Variants in RANBP2 observed in about 807,000 individuals in gnomAD.
RANBP2 encodes E3 SUMO-protein ligase RanBP2.
RANBP2 carries 57 observed loss-of-function variants against 303.6 expected under a neutral mutation model. The ratio of observed to expected loss-of-function variants is 0.19; its 90% CI spans 0.15 to 0.23. The LOEUF (loss-of-function observed/expected upper bound fraction) is 0.23. RANBP2 is among the 10% of genes least tolerant of loss of function. The probability of loss-of-function intolerance (pLI) is 1.00; values close to 1 mark genes in which losing one functional copy is unlikely to be tolerated. For missense variants in RANBP2, 3,138 were observed against 3,780.8 expected, an observed-to-expected ratio of 0.83 and a Z score of 4.46; for synonymous variants, 1,167 against 1,301.5, an observed-to-expected ratio of 0.90 and a Z score of 2.23.
At chr2:108,975,444 CAT>C in the RANBP2 span, among the ~76,000 whole-genome samples, 5 of 152,176 alleles carry the variant, frequency 3.3e-5, no homozygotes, top group Non-Finnish European at 7.3e-5. Flanking sequence ...AGCGCCAGCA[CAT>C]GAGAGCAAGA....
At chr2:109,425,289 A>G in the RANBP2 span, among the ~76,000 whole-genome samples, 49 of 152,358 alleles carry the variant, frequency 3.2e-4, 1 homozygote, top group Middle Eastern at 0.024. Flanking sequence ...GTACAAGGTA[A>G]AGCAGCAAGT....
chr2:109,467,127 C>G, the RANBP2 span, among the ~76,000 whole-genome samples: 1 of 152,250 alleles, frequency 6.6e-6, no homozygotes, highest in Non-Finnish European at 1.5e-5. Flanking sequence ...ACCTGTCACT[C>G]AGCCATTCCA....
At chr2:108,822,350 A>G in the RANBP2 span, among the ~76,000 whole-genome samples, 3 of 152,226 alleles carry the variant, frequency 2.0e-5, no homozygotes, top group East Asian at 3.8e-4. Context: ...ACATAATACT[A>G]CTAGGAAACT....
the RANBP2 span, among the ~76,000 whole-genome samples, chr2:109,472,007 C>T: frequency 6.6e-6 from 1 of 152,132 alleles, no homozygotes. Context: ...AGTCCTGGGC[C>T]CCCTGCACTG....
the RANBP2 span, among the ~76,000 whole-genome samples, chr2:109,474,159 G>A: frequency 5.3e-5 from 8 of 152,298 alleles, no homozygotes; most frequent in East Asian, 3.9e-4. Flanking sequence ...AAGCTTGGCC[G>A]CACCTGCGTA....
intron 4 of RANBP2, 75 bp from the exon 5 acceptor site, chr2:108,735,457 G>C (rs1695495367): frequency 1.3e-6 from 2 of 1,597,146 alleles, no homozygotes; most frequent in Non-Finnish European, 1.7e-6. Context: ...GTGGAATGGT[G>C]CTCTTTGGGA....
chr2:109,255,757 T>C, the RANBP2 span, among the ~76,000 whole-genome samples: 1 of 152,254 alleles, frequency 6.6e-6, no homozygotes, highest in Non-Finnish European at 1.5e-5. Flanking sequence ...GAATCTCTGC[T>C]GAATCTCAGC....
the RANBP2 span, among the ~76,000 whole-genome samples, chr2:108,960,544 A>G: frequency 6.6e-6 from 1 of 152,242 alleles, no homozygotes. Flanking sequence ...CCCGTCAGCC[A>G]GCAGAAAAGT....
the RANBP2 span, among the ~76,000 whole-genome samples, chr2:109,339,911 CT>C: frequency 6.6e-6 from 1 of 152,198 alleles, no homozygotes. Flanking sequence ...TCCACAGAGG[CT>C]TCCCTCGCCT....
the RANBP2 span, among the ~76,000 whole-genome samples, chr2:108,793,583 A>C: frequency 6.6e-6 from 1 of 151,836 alleles, no homozygotes; most frequent in Non-Finnish European, 1.5e-5. Flanking sequence ...ACCCTCAGGA[A>C]ACTTTTTTTT....
chr2:109,418,896 C>A, the RANBP2 span, among the ~76,000 whole-genome samples: 3 of 152,164 alleles, frequency 2.0e-5, no homozygotes, highest in African/African-American at 7.2e-5. Flanking sequence ...GTAGGAATTC[C>A]CTTGGCAAGA....
the RANBP2 span, among the ~76,000 whole-genome samples, chr2:109,676,874 A>G: frequency 6.6e-6 from 1 of 152,166 alleles, no homozygotes; most frequent in Non-Finnish European, 1.5e-5. Context: ...CCATCTAGCC[A>G]TCATCTATGT....
chr2:109,515,058 T>G, the RANBP2 span, among the ~76,000 whole-genome samples: 1 of 152,180 alleles, frequency 6.6e-6, no homozygotes, highest in African/African-American at 2.4e-5. Flanking sequence ...GGGATGACCT[T>G]TGCCCTGGAA....
the RANBP2 span, chr2:109,564,181 G>A: frequency 2.1e-6 from 1 of 471,348 alleles, no homozygotes; most frequent in Non-Finnish European, 3.5e-6. Context: ...TAAAAAGCAA[G>A]ACTCTTCAAA....
At chr2:108,928,301 C>T in the RANBP2 span, among the ~76,000 whole-genome samples, 2 of 152,208 alleles carry the variant, frequency 1.3e-5, no homozygotes, top group South Asian at 4.1e-4. Flanking sequence ...ATCCAGGCAT[C>T]ACCTCCACAA....
the RANBP2 span, among the ~76,000 whole-genome samples, chr2:109,238,232 T>C: frequency 2.0e-5 from 3 of 152,114 alleles, no homozygotes; most frequent in Non-Finnish European, 4.4e-5. Flanking sequence ...ATGGTTTTTA[T>C]GAAGACTAAT....
chr2:108,950,260 C>G, the RANBP2 span, among the ~76,000 whole-genome samples: 1 of 145,520 alleles, frequency 6.9e-6, no homozygotes, highest in Non-Finnish European at 1.5e-5. Context: ...CCCTCCATTC[C>G]TTTTCTTTTT....
At chr2:109,530,845 C>T in the RANBP2 span, among the ~76,000 whole-genome samples, 81 of 152,062 alleles carry the variant, frequency 5.3e-4, no homozygotes, top group African/African-American at 1.8e-3. Flanking sequence ...GAGGAAGGGC[C>T]GGGCCAGGGC....
the RANBP2 span, chr2:109,504,603 C>G: frequency 6.6e-6 from 1 of 152,244 alleles, no homozygotes; most frequent in Non-Finnish European, 1.5e-5. Context: ...GCCTGTGTTT[C>G]TGAGTCTTTA....
Sources: gnomAD v4.1 joint callset for allele counts (sites outside exome capture counted in the v4.1 genomes callset) on GRCh38, gnomAD v4.1.1 for gene constraint, MANE v1.5 for transcripts, NCBI Gene and HGNC (gene_info 2026-07-23, HGNC 2026-07-21) for gene names.